RUNX2: variants seen among roughly 807,000 people sequenced by gnomAD.
RUNX2 encodes the protein runt-related transcription factor 2.
Under a neutral mutation model 51.7 loss-of-function variants are expected in RUNX2, and 10 were observed. The ratio of observed to expected loss-of-function variants is 0.19; its 90% CI spans 0.12 to 0.33. The LOEUF (loss-of-function observed/expected upper bound fraction) is 0.33. RUNX2 is among the 10% of genes least tolerant of loss of function. RUNX2 has a pLI of 1.00. For missense variants in RUNX2, 562 were observed against 691.3 expected, an observed-to-expected ratio of 0.81 and a Z score of 2.10; for synonymous variants, 276 against 273.6, an observed-to-expected ratio of 1.01 and a Z score of -0.09.
Position 45,399,670 on chromosome 6 carries a change from CCT to C in RUNX2, c.59-22922_59-22921del, listed in dbSNP as rs372986151. The stretch of plus-strand genomic sequence containing the variant: ...ACCTTCTCTCTCATTTCTATCTCTC[CCT>C]GTTTCTTTCTTTCACTCTCCAAAGA... On this transcript the variant is annotated intron_variant, in intron 2 of 8. Coordinates refer to ENST00000647337, the MANE Select transcript of RUNX2 (RefSeq NM_001024630.4). 5.0e-3 allele frequency among the ~76,000 whole-genome samples: 760 copies of C among 151,770 alleles called. 5 individuals are homozygous for C. Among genetic ancestry groups the C allele is most frequent in the African/African-American group, 0.017 (724 of 41,372 alleles).
rs114897742 is a variant in RUNX2 at position 45,547,152 on chromosome 6, G to T, written c.1413G>T (p.Pro471=). The change falls in exon 9 of 9, where the codon CCG becomes CCT. Residue 471 remains proline, a synonymous_variant. Transcript: ENST00000647337. ...ACCGGTCTCCTTCCAGAATGCTTCCGCCATGCACCACCACCTCGAATGGCA... is the reference window on the plus strand; with the variant it reads ...ACCGGTCTCCTTCCAGAATGCTTCCTCCATGCACCACCACCTCGAATGGCA... The part of the protein sequence containing the change: ...GGDRSPSRML[P]PCTTTSNGST... 162 of 1,614,048 alleles carry T rather than the reference G, an allele frequency of 1.0e-4. No homozygotes were observed. Among genetic ancestry groups the T allele is most frequent in the Non-Finnish European group, 1.2e-4 (147 of 1,180,014 alleles).
chr6:45,394,782 G>T (rs911227195), intron 2 of RUNX2, among the ~76,000 whole-genome samples: 1 of 152,146 alleles, frequency 6.6e-6, no homozygotes, highest in Non-Finnish European at 1.5e-5. Context: ...AGCTAAACCC[G>T]GGTAAAATAG....
At chr6:45,353,533 G>C (rs530495290) in intron 2 of RUNX2, among the ~76,000 whole-genome samples, 151 of 152,008 alleles carry the variant, frequency 9.9e-4, no homozygotes, top group Non-Finnish European at 1.6e-3. Context: ...AGAAATAAAG[G>C]CTTATATAAT....
intron 5 of RUNX2, among the ~76,000 whole-genome samples, chr6:45,491,585 A>G (rs1484566536): frequency 1.3e-5 from 2 of 151,562 alleles, no homozygotes; most frequent in African/African-American, 4.8e-5. Context: ...TCCATCATGA[A>G]ACAAGCAAAC....
At chr6:45,425,592 T>G (rs776280376) in intron 3 of RUNX2, among the ~76,000 whole-genome samples, 1 of 152,158 alleles carries the variant, frequency 6.6e-6, no homozygotes, top group Admixed American at 6.5e-5. Context: ...AAGTGGGTGA[T>G]AGCTAAGATC....
intron 3 of RUNX2, among the ~76,000 whole-genome samples, chr6:45,431,369 T>A (rs1798537378): frequency 6.6e-6 from 1 of 152,128 alleles, no homozygotes; most frequent in African/African-American, 2.4e-5. Context: ...ATATCTAGGC[T>A]CTATGTAGTG....
chr6:45,479,605 T>A (rs1447828821), intron 5 of RUNX2, among the ~76,000 whole-genome samples: 2 of 152,238 alleles, frequency 1.3e-5, no homozygotes, highest in East Asian at 3.9e-4. Context: ...TACGTATATG[T>A]GGAAAAGGGA....
chr6:45,522,988 C>T (rs1030039907), intron 7 of RUNX2, among the ~76,000 whole-genome samples: 1 of 152,142 alleles, frequency 6.6e-6, no homozygotes, highest in Non-Finnish European at 1.5e-5. Flanking sequence ...AATCAAACAA[C>T]GTTGTTGCTC....
At chr6:45,508,849 C>T (rs1344152756) in intron 6 of RUNX2, among the ~76,000 whole-genome samples, 1 of 152,118 alleles carries the variant, frequency 6.6e-6, no homozygotes, top group Non-Finnish European at 1.5e-5. Flanking sequence ...CTAATTATGA[C>T]TTAATTTTAA....
chr6:45,447,486 G>A (rs1323710701), intron 5 of RUNX2, among the ~76,000 whole-genome samples: 1 of 152,110 alleles, frequency 6.6e-6, no homozygotes, highest in Non-Finnish European at 1.5e-5. Context: ...ATCATTGAAT[G>A]TGTTTCTTTT....
intron 7 of RUNX2, among the ~76,000 whole-genome samples, chr6:45,533,888 C>CT (rs553154980): frequency 0.045 from 4,893 of 107,906 alleles, 30 homozygotes; most frequent in East Asian, 0.062. Flanking sequence ...CCTGTTGAGA[C>CT]TTTTTTTTTT....
At chr6:45,426,328 A>G (rs983511428) in intron 3 of RUNX2, among the ~76,000 whole-genome samples, 2 of 152,216 alleles carry the variant, frequency 1.3e-5, no homozygotes, top group African/African-American at 4.8e-5. Flanking sequence ...GTTAGGGCAT[A>G]CTATTAGAGG....
At chr6:45,359,377 C>A (rs1344601028) in intron 2 of RUNX2, among the ~76,000 whole-genome samples, 1 of 152,052 alleles carries the variant, frequency 6.6e-6, no homozygotes, top group African/African-American at 2.4e-5. Flanking sequence ...ACTTACATTA[C>A]AATTTGAAAA....
intron 7 of RUNX2, chr6:45,513,471 G>C (rs1282699727): frequency 6.6e-6 from 1 of 152,152 alleles, no homozygotes; most frequent in Non-Finnish European, 1.5e-5. Context: ...TACTCACTCC[G>C]CTGAGTTGCA....
chr6:45,512,218 T>C (rs1220874252), intron 6 of RUNX2, 28 bp from the exon 7 acceptor site: 3 of 1,610,992 alleles, frequency 1.9e-6, no homozygotes, highest in Non-Finnish European at 2.5e-6. Context: ...GTTGCTATAC[T>C]AAAGATTTTT....
intron 2 of RUNX2, among the ~76,000 whole-genome samples, chr6:45,362,839 C>T (rs749817036): frequency 2.8e-5 from 4 of 144,134 alleles, no homozygotes; most frequent in African/African-American, 1.1e-4. Flanking sequence ...TTTATTTTTT[C>T]TCAGTTTTTT....
intron 5 of RUNX2, among the ~76,000 whole-genome samples, chr6:45,460,231 A>G (rs981195266): frequency 1.3e-5 from 2 of 152,144 alleles, no homozygotes; most frequent in Non-Finnish European, 1.5e-5. Flanking sequence ...TAGGAAGAGG[A>G]GCCAATGTGG....
At chr6:45,519,788 A>ATGTG (rs1409149253) in intron 7 of RUNX2, among the ~76,000 whole-genome samples, 32 of 118,904 alleles carry the variant, frequency 2.7e-4, no homozygotes, top group Admixed American at 7.0e-4. Flanking sequence ...ATATATATAT[A>ATGTG]TATGTGTGTG....
chr6:45,531,097 T>G (rs1023385891), intron 7 of RUNX2, among the ~76,000 whole-genome samples: 4 of 152,174 alleles, frequency 2.6e-5, no homozygotes, highest in African/African-American at 9.7e-5. Context: ...GGTCATCAAG[T>G]GAAAGGGATA....
Sources: gnomAD v4.1 joint callset for allele counts (sites outside exome capture counted in the v4.1 genomes callset) on GRCh38, gnomAD v4.1.1 for gene constraint, MANE v1.5 for transcripts, NCBI Gene and HGNC (gene_info 2026-07-23, HGNC 2026-07-21) for gene names.